RHOF: variants seen among roughly 807,000 people sequenced by gnomAD.
RHOF encodes ras homolog family member F, filopodia associated, also known as rho-related GTP-binding protein RhoF.
Under a neutral mutation model 22.2 loss-of-function variants are expected in RHOF, and 21 were observed. That is an observed-to-expected ratio of 0.95 (90% CI 0.67 to 1.36). The LOEUF (loss-of-function observed/expected upper bound fraction) is 1.36. Among genes scored for constraint, RHOF ranks in the 40% most tolerant of loss-of-function variants. The probability of loss-of-function intolerance (pLI) is 0.00; values close to 1 mark genes in which losing one functional copy is unlikely to be tolerated. For synonymous variants in RHOF, 135 were observed against 131.2 expected, an observed-to-expected ratio of 1.03 and a Z score of -0.20; for missense variants, 285 against 293.7, an observed-to-expected ratio of 0.97 and a Z score of 0.22.
At chr12:121,782,940 G>A (rs1232644200) in intron 2 of RHOF, 1 of 152,170 alleles carries the variant, frequency 6.6e-6, no homozygotes, top group Non-Finnish European at 1.5e-5. Context: ...GGTGACAAGA[G>A]CGAAACTCTG....
intron 2 of RHOF, chr12:121,781,544 G>A (rs201038422): frequency 1.6e-4 from 44 of 272,672 alleles, no homozygotes; most frequent in African/African-American, 7.9e-4. Context: ...TCAAACCCAC[G>A]CAGTGCTGAG....
chr12:121,783,851 G>T (rs1270108015), intron 2 of RHOF, among the ~76,000 whole-genome samples: 4 of 152,138 alleles, frequency 2.6e-5, no homozygotes, highest in Non-Finnish European at 5.9e-5. Context: ...TCATCCACCT[G>T]CCTCGGCCTC....
At chr12:121,786,198 G>C (rs569892797) in intron 2 of RHOF, among the ~76,000 whole-genome samples, 10 of 152,112 alleles carry the variant, frequency 6.6e-5, no homozygotes, top group African/African-American at 2.4e-4. Flanking sequence ...GGGATTACAG[G>C]TGTGAGCCAC....
At position 121,779,660 on chromosome 12, in the gene RHOF, G is replaced by A. The variant is rs986772660; in HGVS notation, c.474C>T (p.Gly158=). The A allele has an allele frequency of 3.1e-6, 5 of 1,613,676 alleles. No homozygotes were observed. The highest frequency in any genetic ancestry group is 1.3e-5 in the African/African-American group (1 of 74,942). The change falls in exon 5 of 5, where the codon GGC becomes GGT. Residue 158 remains glycine (G), a splice_region_variant and synonymous_variant. Coordinates refer to ENST00000267205, the MANE Select transcript of RHOF (RefSeq NM_019034.3). ...AQLEPITYMQ[G]LSACEQIRAA... ...CTCGGATCTGTTCGCAGGCGCTCAG[G>A]CCCTGGGTGGGGGGAGGAGCCAGCA... is the stretch of plus-strand genomic sequence containing the variant.
At chr12:121,790,222 T>C (rs976762974) in intron 2 of RHOF, among the ~76,000 whole-genome samples, 1 of 152,384 alleles carries the variant, frequency 6.6e-6, no homozygotes, top group Admixed American at 6.5e-5. Flanking sequence ...CGTTTGGTCC[T>C]GGGTGTGGAG....
At chr12:121,784,554 A>G (rs1210508327) in intron 2 of RHOF, among the ~76,000 whole-genome samples, 2 of 151,988 alleles carry the variant, frequency 1.3e-5, no homozygotes, top group South Asian at 2.1e-4. Flanking sequence ...CAAAAAAAAA[A>G]AAAAAGAAAA....
chr12:121,780,850 C>G (rs1271644355), intron 4 of RHOF, 22 bp downstream of exon 4: 2 of 1,607,430 alleles, frequency 1.2e-6, no homozygotes, highest in East Asian at 4.5e-5. Context: ...GGCTGTGCCC[C>G]AGGGTCTTGG....
chr12:121,790,087 C>T (rs893939592), intron 2 of RHOF, among the ~76,000 whole-genome samples: 1 of 152,234 alleles, frequency 6.6e-6, no homozygotes, highest in Non-Finnish European at 1.5e-5. Context: ...GCCCTGCGAG[C>T]CCCGTCACCC....
chr12:121,793,677 C>T lies in RHOF; in HGVS notation c.-44G>A, dbSNP rs538768246. ...CTGGCGGCGGCGCGCCGGGCACTAG[C>T]GGAGCCAAGAGGTCGGGGGCGGGGC... On this transcript the variant is annotated 5_prime_UTR_variant, in exon 1 of 5. Transcript: ENST00000267205. 69 of 1,481,760 alleles carry T rather than the reference C, an allele frequency of 4.7e-5. No homozygotes were observed. The African/African-American group carries it at 8.3e-4, about 18-fold the overall frequency. The allele number at this position is 1,481,760 out of a possible 1,614,324, so 91.8% of individuals were successfully genotyped here.
At chr12:121,785,219 C>G (rs1007219648) in intron 2 of RHOF, among the ~76,000 whole-genome samples, 6 of 152,076 alleles carry the variant, frequency 3.9e-5, no homozygotes, top group African/African-American at 1.5e-4. Flanking sequence ...GAATCATATC[C>G]CGGGTGGGAT....
At chr12:121,783,818 G>A (rs572879044) in intron 2 of RHOF, among the ~76,000 whole-genome samples, 1 of 152,258 alleles carries the variant, frequency 6.6e-6, no homozygotes, top group African/African-American at 2.4e-5. Context: ...TGGCCAGGCT[G>A]GTCTTGAACT....
intron 2 of RHOF, among the ~76,000 whole-genome samples, chr12:121,792,423 T>C (rs1229191046): frequency 6.6e-6 from 1 of 152,066 alleles, no homozygotes; most frequent in Non-Finnish European, 1.5e-5. Context: ...TCCCAAGCAA[T>C]TGCACATAAA....
chr12:121,779,525 CT>C lies in RHOF; in HGVS notation c.608del (p.Lys203ArgfsTer116), dbSNP rs779996466. On this transcript the variant is annotated frameshift_variant, in exon 5 of 5. Coordinates refer to ENST00000267205, the MANE Select transcript of RHOF (RefSeq NM_019034.3). LOFTEE classifies it high-confidence loss of function. ...AGAGCAGCAGGCAGAGCCGGCGCTT[CT>C]TCTGCCGTTGCGCCTTCTTCAGAGC... is the stretch of plus-strand genomic sequence containing the variant. Reference protein sequence around the residue: ...LSALKKAQRQKKRRLCLLL With the variant: ...LSALKKAQRQXKRRLCLLL 1 of 1,613,264 alleles carries C rather than the reference CT, an allele frequency of 6.2e-7. No homozygotes were observed. The highest frequency in any genetic ancestry group is 8.5e-7 in the Non-Finnish European group (1 of 1,180,028).
chr12:121,783,778 T>C (rs1174162235), intron 2 of RHOF, among the ~76,000 whole-genome samples: 1 of 152,138 alleles, frequency 6.6e-6, no homozygotes, highest in Non-Finnish European at 1.5e-5. Flanking sequence ...TTTTTGTATT[T>C]TTTAAGTAGA....
chr12:121,785,334 G>A (rs1176729653), intron 2 of RHOF, among the ~76,000 whole-genome samples: 2 of 152,032 alleles, frequency 1.3e-5, no homozygotes, highest in African/African-American at 4.8e-5. Flanking sequence ...CAGACCTCAG[G>A]TAACTGAAAC....
Position 121,779,415 on chromosome 12 carries a change from G to T in RHOF, c.*83C>A. 2 of 1,462,906 alleles carry T rather than the reference G, an allele frequency of 1.4e-6. No homozygotes were observed. Among genetic ancestry groups the T allele is most frequent in the East Asian group, 2.3e-5 (1 of 43,548 alleles). 90.6% of individuals were successfully genotyped at this position (1,462,906 alleles called of 1,614,324 possible). A position where few individuals can be genotyped will look rare whatever the true frequency, so the allele number is the denominator to read the frequency against. ...CCCAGACACCATGAGCTGGAGGGTC[G>T]GGATGGGGCAGCCTCCCTGGTGCAA... is the stretch of plus-strand genomic sequence containing the variant. On this transcript the variant is annotated 3_prime_UTR_variant, in exon 5 of 5. Coordinates refer to ENST00000267205, the MANE Select transcript of RHOF (RefSeq NM_019034.3).
intron 1 of RHOF, 93 bp from the exon 2 acceptor site, chr12:121,793,332 G>T: frequency 6.9e-7 from 1 of 1,445,004 alleles, no homozygotes; most frequent in South Asian, 1.2e-5. Context: ...ACTCGTCCCG[G>T]ATCAGCCCCC....
rs1874358571 is a variant in RHOF, at chr12:121,779,445, C to T, written c.*53G>A. On this transcript the variant is annotated 3_prime_UTR_variant, in exon 5 of 5. Transcript: ENST00000267205. ...GGGGCAGCCTCCCTGGTGCAATCGGCACCTGGGCCCCCGGGCCCTGTCAGT... is the reference window on the plus strand; with the variant it reads ...GGGGCAGCCTCCCTGGTGCAATCGGTACCTGGGCCCCCGGGCCCTGTCAGT... The T allele has an allele frequency of 2.5e-6, 4 of 1,587,896 alleles. No individual in the cohort carries two copies. Among genetic ancestry groups the T allele is most frequent in the East Asian group, 2.2e-5 (1 of 44,650 alleles).
intron 2 of RHOF, among the ~76,000 whole-genome samples, chr12:121,789,074 G>T (rs1002853638): frequency 6.6e-6 from 1 of 152,112 alleles, no homozygotes; most frequent in East Asian, 1.9e-4. Flanking sequence ...GGTTAAAACA[G>T]CCCAGGTAGA....
Sources: gnomAD v4.1 joint callset for allele counts (sites outside exome capture counted in the v4.1 genomes callset) on GRCh38, gnomAD v4.1.1 for gene constraint, MANE v1.5 for transcripts, NCBI Gene and HGNC (gene_info 2026-07-23, HGNC 2026-07-21) for gene names.